The following ACVR2B variants were observed in gnomAD, a reference collection of about 807,000 sequenced individuals.
ACVR2B encodes activin receptor type-2B.
A neutral mutation model predicts 65.1 loss-of-function variants in ACVR2B; 18 were observed. The ratio of observed to expected loss-of-function variants is 0.28; its 90% CI spans 0.19 to 0.41. ACVR2B has a LOEUF of 0.41. ACVR2B is among the 10% of genes least tolerant of loss of function. ACVR2B has a pLI of 1.00. For missense variants in ACVR2B, 482 were observed against 682.7 expected (o/e 0.71, Z 3.28); for synonymous variants, 298 against 277.7 (o/e 1.07, Z -0.73).
chr3:38,466,247 A>G (rs1224347502), intron 1 of ACVR2B, among the ~76,000 whole-genome samples: 1 of 152,208 alleles, frequency 6.6e-6, no homozygotes, highest in African/African-American at 2.4e-5. Context: ...AGGGTGGTCA[A>G]AGGGTACAAA....
chr3:38,467,183 C>G (rs950608333), intron 1 of ACVR2B, among the ~76,000 whole-genome samples: 5 of 152,180 alleles, frequency 3.3e-5, no homozygotes, highest in Admixed American at 6.5e-5. Flanking sequence ...TGCGGTGGCT[C>G]ACGCCTGTAA....
At chr3:38,476,679 C>G (rs1200354032) in intron 1 of ACVR2B, 1 of 161,532 alleles carries the variant, frequency 6.2e-6, no homozygotes, top group Non-Finnish European at 1.4e-5. Context: ...AGCCACTCCC[C>G]TTTGTAGTTT....
chr3:38,468,747 T>G (rs1026588332), intron 1 of ACVR2B, among the ~76,000 whole-genome samples: 2 of 152,224 alleles, frequency 1.3e-5, no homozygotes, highest in African/African-American at 4.8e-5. Context: ...AGTTACCATG[T>G]GTGTAAGTGC....
intron 7 of ACVR2B, among the ~76,000 whole-genome samples, chr3:38,480,607 C>T (rs759385077): frequency 6.6e-6 from 1 of 152,166 alleles, no homozygotes; most frequent in Non-Finnish European, 1.5e-5. Flanking sequence ...CAAATTCCAG[C>T]GTTCAAAGCT....
intron 1 of ACVR2B, among the ~76,000 whole-genome samples, chr3:38,460,561 G>C (rs1436053521): frequency 1.3e-5 from 2 of 152,196 alleles, no homozygotes; most frequent in Non-Finnish European, 2.9e-5. Flanking sequence ...GTTATTCTAG[G>C]CTTGCTGTAC....
chr3:38,485,897 A>G lies in ACVR2B; in HGVS notation c.*2565A>G, dbSNP rs938803375. ...TTACTTTTCATCCTCAGAAGAAACA[A>G]ACGACTAACAAATGTAGCAAATTTA... On this transcript the variant is annotated 3_prime_UTR_variant, in exon 11 of 11. Transcript: ENST00000352511. 1.3e-5 allele frequency: 2 copies of G among 152,488 alleles called. No individual in the cohort carries two copies. Among genetic ancestry groups the G allele is most frequent in the African/African-American group, 4.8e-5 (2 of 41,388 alleles). 9.4% of individuals were successfully genotyped at this position (152,488 alleles called of 1,614,324 possible).
At position 38,493,011 on chromosome 3, in the gene ACVR2B, A is replaced by G. The variant is rs2059825649; in HGVS notation, c.*9679A>G. On this transcript the variant is annotated 3_prime_UTR_variant, in exon 11 of 11. Coordinates refer to ENST00000352511, the MANE Select transcript of ACVR2B (RefSeq NM_001106.4). ...GCTTGAACTCTGCACTGGGTCCTCAAATAAACCGATGTGAATGTAGTTTTT... is the reference window on the plus strand; with the variant it reads ...GCTTGAACTCTGCACTGGGTCCTCAGATAAACCGATGTGAATGTAGTTTTT... 6.6e-6 allele frequency: 1 copy of G among 150,452 alleles called. No homozygotes were observed. Among genetic ancestry groups the G allele is most frequent in the Non-Finnish European group, 1.5e-5 (1 of 68,018 alleles). 9.3% of individuals were successfully genotyped at this position (150,452 alleles called of 1,614,324 possible).
chr3:38,463,675 A>C (rs1322666725), intron 1 of ACVR2B, among the ~76,000 whole-genome samples: 1 of 152,182 alleles, frequency 6.6e-6, no homozygotes, highest in African/African-American at 2.4e-5. Context: ...ATGACACTCA[A>C]GTTTGTGGAA....
Position 38,481,579 on chromosome 3 carries a change from T to G in ACVR2B, c.1074+114T>G. 1 of 839,936 alleles carries G rather than the reference T, an allele frequency of 1.2e-6. No individual in the cohort carries two copies. The allele number at this position is 839,936 out of a possible 1,614,324, so 52.0% of individuals were successfully genotyped here. A position where few individuals can be genotyped will look rare whatever the true frequency, so the allele number is the denominator to read the frequency against. The stretch of plus-strand genomic sequence containing the variant: ...GAGGGTGACTGCATGCGTTCAGAGC[T>G]GTCTGAGAACTTAGAGCAATGCTCT... On this transcript the variant is annotated intron_variant, in intron 8 of 10. Transcript: ENST00000352511. The surrounding 1 kb of genome is among the most constrained non-coding windows in gnomAD (Gnocchi z 4.7).
At chr3:38,471,529 A>G (rs1709818323) in intron 1 of ACVR2B, among the ~76,000 whole-genome samples, 2 of 152,358 alleles carry the variant, frequency 1.3e-5, no homozygotes, top group South Asian at 4.1e-4. Flanking sequence ...ACACAAATGT[A>G]AAAAAGAAGT....
chr3:38,479,634 T>C lies in ACVR2B; in HGVS notation c.811-44T>C, dbSNP rs149108177. 2.0e-4 allele frequency: 328 copies of C among 1,610,584 alleles called. No individual in the cohort carries two copies. The East Asian group carries it at 7.2e-3, about 35-fold the overall frequency. ...GCCAGGGCTGGGCTGGGTCCTGTCC[T>C]GTACCCAGAATCTGTGCTCAAGTTC... On this transcript the variant is annotated intron_variant, in intron 6 of 10. Coordinates refer to ENST00000352511, the MANE Select transcript of ACVR2B (RefSeq NM_001106.4).
rs1270676273 is a variant in ACVR2B, at chr3:38,487,123, T to C, written c.*3791T>C. ...CCTTTGTTGTCCAGCATGGCCTTCTTGTCCTGTCTGCTCTGGAGAGGAGCC... is the reference window on the plus strand; with the variant it reads ...CCTTTGTTGTCCAGCATGGCCTTCTCGTCCTGTCTGCTCTGGAGAGGAGCC... On this transcript the variant is annotated 3_prime_UTR_variant, in exon 11 of 11. Transcript: ENST00000352511. 6.6e-6 allele frequency: 1 copy of C among 152,460 alleles called. No individual in the cohort carries two copies. The highest frequency in any genetic ancestry group is 2.4e-5 in the African/African-American group (1 of 41,470). 9.4% of individuals were successfully genotyped at this position (152,460 alleles called of 1,614,324 possible).
Position 38,470,678 on chromosome 3 carries a change from C to T in ACVR2B, c.53-6609C>T, listed in dbSNP as rs146178265. ...GTAGTAAGAACAGTGACACTAAATA[C>T]GGAACACAAGCAATATGTTAAATTA... On this transcript the variant is annotated intron_variant, in intron 1 of 10. Transcript: ENST00000352511. 9.3e-4 allele frequency among the ~76,000 whole-genome samples: 142 copies of T among 152,088 alleles called. 2 individuals carry two copies. The Middle Eastern group carries it at 0.024, about 26-fold the overall frequency.
chr3:38,456,779 C>T (rs758216312), intron 1 of ACVR2B, among the ~76,000 whole-genome samples: 3 of 152,126 alleles, frequency 2.0e-5, no homozygotes, highest in African/African-American at 7.2e-5. Flanking sequence ...ATGGCCCCAC[C>T]CTCATGACTT....
chr3:38,455,993 C>T (rs1468632534), intron 1 of ACVR2B, among the ~76,000 whole-genome samples: 2 of 152,192 alleles, frequency 1.3e-5, no homozygotes, highest in Non-Finnish European at 1.5e-5. Context: ...GACAGGACAG[C>T]TTGAGACCTG....
At chr3:38,467,132 G>A (rs959400960) in intron 1 of ACVR2B, among the ~76,000 whole-genome samples, 4 of 152,150 alleles carry the variant, frequency 2.6e-5, no homozygotes, top group South Asian at 2.1e-4. Flanking sequence ...CCAAAGGATA[G>A]ATTATAATTT....
At chr3:38,473,033 C>T (rs1021704815) in intron 1 of ACVR2B, among the ~76,000 whole-genome samples, 3 of 152,100 alleles carry the variant, frequency 2.0e-5, no homozygotes, top group African/African-American at 7.2e-5. Context: ...TGTGTATGTG[C>T]ATGTACTGTG....
In ACVR2B at chr3:38,478,379, C is replaced by T; in HGVS notation, c.527C>T (p.Pro176Leu). The T allele has an allele frequency of 1.2e-6, 2 of 1,614,126 alleles. No individual in the cohort carries two copies. The highest frequency in any genetic ancestry group is 1.7e-6 in the Non-Finnish European group (2 of 1,179,992). ...PYGHVDIHED[P>L]GPPPPSPLVG... ...TTAAGCCTTGCTCTCCCCCAGGACC[C>T]TGGGCCTCCACCACCATCCCCTCTG... Residue 176 changes from proline (P) to leucine (L), a missense_variant, in exon 5 of 11, where the codon CCT becomes CTT. Coordinates refer to ENST00000352511, the MANE Select transcript of ACVR2B (RefSeq NM_001106.4).
At chr3:38,467,935 C>T (rs760056250) in intron 1 of ACVR2B, among the ~76,000 whole-genome samples, 39 of 151,900 alleles carry the variant, frequency 2.6e-4, no homozygotes, top group Non-Finnish European at 4.6e-4. Flanking sequence ...TGGAGTGCAG[C>T]GGTGCAATCT....
Sources: gnomAD v4.1 joint callset for allele counts (sites outside exome capture counted in the v4.1 genomes callset) on GRCh38, gnomAD v4.1.1 for gene constraint, Gnocchi (gnomAD v3.1) non-coding constraint, MANE v1.5 for transcripts, NCBI Gene and HGNC (gene_info 2026-07-23, HGNC 2026-07-21) for gene names.